The following GABRB1 variants were observed in gnomAD, a reference collection of about 807,000 sequenced individuals.
GABRB1 encodes the protein gamma-aminobutyric acid receptor subunit beta-1.
Under a neutral mutation model 51.6 loss-of-function variants are expected in GABRB1, and 17 were observed. The ratio of observed to expected loss-of-function variants is 0.33; its 90% CI spans 0.23 to 0.49. The LOEUF (loss-of-function observed/expected upper bound fraction) is 0.49, where lower values mean the gene tolerates loss of function less well. GABRB1 is among the 20% of genes least tolerant of loss of function. GABRB1 has a pLI of 0.99. For synonymous variants in GABRB1, 247 were observed against 218.9 expected (o/e 1.13, Z -1.14); for missense variants, 410 against 600.6 (o/e 0.68, Z 3.32).
rs67244692 is a variant in GABRB1 at position 47,130,325 on chromosome 4, CTGTGTGTGTGTGTGTGTGTGTGTG to C, written c.241-30893_241-30870del. On this transcript the variant is annotated intron_variant, in intron 3 of 8. Coordinates refer to ENST00000295454, the MANE Select transcript of GABRB1 (RefSeq NM_000812.4). ...CCCCATAATGTCTGGGCTCCAGATA[CTGTGTGTGTGTGTGTGTGTGTGTG>C]TGTGTGTGTGTGTGTGTGTGTGTGT... 8.3e-3 allele frequency among the ~76,000 whole-genome samples: 1,111 copies of C among 133,730 alleles called. 8 individuals are homozygous for C. The highest frequency in any genetic ancestry group is 0.012 in the Admixed American group (159 of 13,508). 87.7% of individuals were successfully genotyped at this position (133,730 alleles called of 152,430 possible).
intron 4 of GABRB1, among the ~76,000 whole-genome samples, chr4:47,307,937 G>C (rs1724529878): frequency 6.6e-6 from 1 of 151,910 alleles, no homozygotes; most frequent in Non-Finnish European, 1.5e-5. Flanking sequence ...CTGAGAACCA[G>C]TGAAGAAAAT....
chr4:47,342,583 T>C (rs1725941151), intron 5 of GABRB1, among the ~76,000 whole-genome samples: 1 of 152,174 alleles, frequency 6.6e-6, no homozygotes, highest in South Asian at 2.1e-4. Flanking sequence ...AAATACAACT[T>C]ATGATTCAAA....
At chr4:47,391,471 C>T (rs1045649358) in intron 5 of GABRB1, among the ~76,000 whole-genome samples, 20 of 152,304 alleles carry the variant, frequency 1.3e-4, no homozygotes, top group African/African-American at 4.3e-4. Context: ...TTCTCCCCAC[C>T]TCAACTGCAA....
At chr4:47,145,067 GA>G (rs559783734) in intron 3 of GABRB1, among the ~76,000 whole-genome samples, 23 of 149,892 alleles carry the variant, frequency 1.5e-4, no homozygotes, top group African/African-American at 4.9e-4. Context: ...TTCAAGAACA[GA>G]AAAAAAAATA....
chr4:47,092,165 C>CTTTTTTTTT (rs869057256), intron 3 of GABRB1, among the ~76,000 whole-genome samples: 8 of 60,498 alleles, frequency 1.3e-4, no homozygotes, highest in East Asian at 1.0e-3. Flanking sequence ...TTCTTTCTTT[C>CTTTTTTTTT]TTTTTTTTTT....
chr4:47,293,845 G>GAA, intron 4 of GABRB1, among the ~76,000 whole-genome samples: 1 of 152,230 alleles, frequency 6.6e-6, no homozygotes, highest in Non-Finnish European at 1.5e-5. Flanking sequence ...ATTTCACAAA[G>GAA]AAAACTAGGG....
intron 3 of GABRB1, among the ~76,000 whole-genome samples, chr4:47,053,992 C>T (rs183900417): frequency 6.6e-6 from 1 of 152,078 alleles, no homozygotes; most frequent in African/African-American, 2.4e-5. Context: ...ATTTTATATA[C>T]TTTTCCTATC....
At chr4:47,133,529 T>A (rs1716512635) in intron 3 of GABRB1, among the ~76,000 whole-genome samples, 1 of 152,194 alleles carries the variant, frequency 6.6e-6, no homozygotes, top group African/African-American at 2.4e-5. Flanking sequence ...CAGTATCTAA[T>A]CCAGGAGGAC....
chr4:47,165,545 CTGACTCTGACTT>C (rs1718146285), intron 4 of GABRB1, among the ~76,000 whole-genome samples: 2 of 152,146 alleles, frequency 1.3e-5, no homozygotes, highest in African/African-American at 4.8e-5. Context: ...AGAGTAATGA[CTGACTCTGACTT>C]CAGGACTTCC....
At chr4:47,346,913 T>G (rs1726117945) in intron 5 of GABRB1, among the ~76,000 whole-genome samples, 1 of 152,230 alleles carries the variant, frequency 6.6e-6, no homozygotes, top group South Asian at 2.1e-4. Flanking sequence ...GAAGCTGGAC[T>G]GGAGGATGAG....
At chr4:47,423,084 C>T (rs1729140338) in intron 8 of GABRB1, among the ~76,000 whole-genome samples, 1 of 151,350 alleles carries the variant, frequency 6.6e-6, no homozygotes, top group South Asian at 2.1e-4. Flanking sequence ...TAAAAATCAA[C>T]ATCAACACAA....
chr4:47,007,866 GTATATATATA>G lies in GABRB1; in HGVS notation c.-20+13959_-20+13968del, dbSNP rs1165939097. Reference sequence around the variant, plus strand: ...TTAAAGGACGTATACCTTGGAACTGGTATATATATATATATATATATATATATAAAATCAA... The same window carrying G: ...TTAAAGGACGTATACCTTGGAACTGGTATATATATATATATATAAAATCAA... On this transcript the variant is annotated intron_variant, in intron 1 of 3. Transcript: ENST00000513567. Among the ~76,000 whole-genome samples the G allele has an allele frequency of 6.4e-4, 32 of 49,980 alleles. 1 individual carries two copies. The South Asian group carries it at 0.027, about 42-fold the overall frequency. The allele number at this position is 49,980 out of a possible 152,430, so 32.8% of individuals were successfully genotyped here. A position where few individuals can be genotyped will look rare whatever the true frequency, so the allele number is the denominator to read the frequency against.
At chr4:47,288,324 G>T (rs947562295) in intron 4 of GABRB1, among the ~76,000 whole-genome samples, 1 of 151,714 alleles carries the variant, frequency 6.6e-6, no homozygotes, top group South Asian at 2.1e-4. Flanking sequence ...GTGCAGTGGC[G>T]CGATCTCGGC....
intron 1 of GABRB1, among the ~76,000 whole-genome samples, chr4:47,002,465 C>T (rs1416372273): frequency 1.3e-5 from 2 of 151,938 alleles, no homozygotes; most frequent in African/African-American, 2.4e-5. Flanking sequence ...ACAAATTAAA[C>T]CTAAAGAATG....
intron 1 of GABRB1, among the ~76,000 whole-genome samples, chr4:47,023,422 A>AT (rs1316377635): frequency 3.3e-5 from 5 of 151,774 alleles, no homozygotes; most frequent in African/African-American, 1.2e-4. Flanking sequence ...TTATCTTTCT[A>AT]TTTTTTGTTT....
Position 47,025,194 on chromosome 4 carries a change from C to T in GABRB1, c.-19-6720C>T, listed in dbSNP as rs185403692. Among the ~76,000 whole-genome samples, 77 of 151,440 alleles carry T rather than the reference C, an allele frequency of 5.1e-4. 1 individual carries two copies. The highest frequency in any genetic ancestry group is 8.0e-4 in the Non-Finnish European group (54 of 67,796). On this transcript the variant is annotated intron_variant, in intron 1 of 3. Coordinates refer to the GABRB1 transcript ENST00000513567. ...CACATTTTTGGAATTGCAAATTGTG[C>T]TTCTATAAACATGCGTGTGCAAGTA...
At position 47,425,888 on chromosome 4, in the gene GABRB1, G is replaced by A; in HGVS notation, c.1295G>A (p.Arg432His). 4 of 1,614,108 alleles carry A rather than the reference G, an allele frequency of 2.5e-6. No individual in the cohort carries two copies. The highest frequency in any genetic ancestry group is 3.4e-6 in the Non-Finnish European group (4 of 1,179,958). Reference protein sequence around the residue: ...GVPSKGRIRRRASQLKVKIPD... With the variant: ...GVPSKGRIRRHASQLKVKIPD... ...CCCAGCAAGGGGCGCATCCGCAGGC[G>A]TGCCTCCCAGCTCAAAGTCAAGATC... The change falls in exon 9 of 9, where the codon CGT (arginine) becomes CAT (histidine). Residue 432 changes from arginine to histidine, a missense_variant. This residue lies in a region of GABRB1 where 181 missense variants were observed against 195.6 expected (regional missense o/e 0.93). Transcript: ENST00000295454.
Position 47,224,413 on chromosome 4 carries a change from GC to G in GABRB1, c.461+62947del, listed in dbSNP as rs944375626. On this transcript the variant is annotated intron_variant, in intron 4 of 8. Coordinates refer to ENST00000295454, the MANE Select transcript of GABRB1 (RefSeq NM_000812.4). ...AATAGAGGAGAGAGATGAGGCTCAA[GC>G]CCAAATACAAGAAAAAGTGAGGATT... is the stretch of plus-strand genomic sequence containing the variant. 5.3e-4 allele frequency among the ~76,000 whole-genome samples: 81 copies of G among 152,164 alleles called. No homozygotes were observed. In the South Asian group the frequency reaches 5.6e-3, roughly 11 times the overall value.
At chr4:47,247,175 A>T (rs1003513336) in intron 4 of GABRB1, among the ~76,000 whole-genome samples, 62 of 152,088 alleles carry the variant, frequency 4.1e-4, no homozygotes, top group African/African-American at 1.4e-3. Context: ...TTAAGTCCTT[A>T]ATCCATCTTG....
Sources: gnomAD v4.1 joint callset for allele counts (sites outside exome capture counted in the v4.1 genomes callset) on GRCh38, gnomAD v4.1.1 for gene constraint, gnomAD v4.1.1 regional missense constraint, MANE v1.5 for transcripts, NCBI Gene and HGNC (gene_info 2026-07-23, HGNC 2026-07-21) for gene names.